The following NELL2 variants were observed in gnomAD, a reference collection of about 807,000 sequenced individuals.
NELL2 encodes the protein neural EGFL like 2.
In NELL2, 41 loss-of-function variants were observed where a neutral mutation model predicts 109.6. That is an observed-to-expected ratio of 0.37 (90% CI 0.29 to 0.49). The LOEUF (loss-of-function observed/expected upper bound fraction) is 0.49, where lower values mean the gene tolerates loss of function less well. NELL2 is among the 20% of genes least tolerant of loss of function. The pLI is 0.98. For missense variants in NELL2, 900 were observed against 1,008.3 expected (o/e 0.89, Z 1.45); for synonymous variants, 355 against 344.7 (o/e 1.03, Z -0.33).
chr12:44,917,905 T>G (rs1366672581), upstream of NELL2, among the ~76,000 whole-genome samples: 1 of 152,194 alleles, frequency 6.6e-6, no homozygotes, highest in Non-Finnish European at 1.5e-5. Flanking sequence ...AAGTCAGGGC[T>G]CTCCGCCATA....
chr12:44,886,196 C>T (rs1945472209), intron 1 of NELL2, among the ~76,000 whole-genome samples: 1 of 151,262 alleles, frequency 6.6e-6, no homozygotes, highest in South Asian at 2.1e-4. Context: ...AATAATTAAC[C>T]TAAAGTGGAT....
chr12:44,802,020 G>A (rs1942848364), intron 3 of NELL2, among the ~76,000 whole-genome samples: 1 of 152,020 alleles, frequency 6.6e-6, no homozygotes, highest in African/African-American at 2.4e-5. Context: ...TAGAACTCCT[G>A]TACTTCTGCC....
At chr12:44,914,772 G>A (rs1237521333), upstream of NELL2, among the ~76,000 whole-genome samples, 1 of 152,128 alleles carries the variant, frequency 6.6e-6, no homozygotes, top group Non-Finnish European at 1.5e-5. Context: ...GTAGAGAAAG[G>A]TCTCGGCTAG....
At chr12:44,747,626 C>T (rs1940446466) in intron 9 of NELL2, among the ~76,000 whole-genome samples, 2 of 152,104 alleles carry the variant, frequency 1.3e-5, no homozygotes, top group East Asian at 3.9e-4. Context: ...GTTCAGCATC[C>T]CTGACCTCCA....
At chr12:44,700,529 C>T (rs148147883) in intron 12 of NELL2, among the ~76,000 whole-genome samples, 55 of 152,200 alleles carry the variant, frequency 3.6e-4, no homozygotes, top group Admixed American at 3.3e-3. Context: ...TTCTTTCTAC[C>T]TGAAGGCCCT....
intron 15 of NELL2, among the ~76,000 whole-genome samples, chr12:44,550,492 T>C (rs1487075499): frequency 6.7e-6 from 1 of 150,076 alleles, no homozygotes; most frequent in Non-Finnish European, 1.5e-5. Flanking sequence ...TGCAGAGAGC[T>C]GAGACTATGC....
intron 2 of NELL2, among the ~76,000 whole-genome samples, chr12:44,872,046 T>C (rs1945177772): frequency 6.6e-6 from 1 of 152,186 alleles, no homozygotes; most frequent in Non-Finnish European, 1.5e-5. Context: ...ATGGTGCTTC[T>C]GTATACTCTC....
intron 9 of NELL2, among the ~76,000 whole-genome samples, chr12:44,762,307 G>A (rs1250840335): frequency 3.9e-5 from 6 of 152,090 alleles, no homozygotes; most frequent in South Asian, 4.2e-4. Context: ...TAGCAACTCT[G>A]TCCTCTTACT....
intron 15 of NELL2, among the ~76,000 whole-genome samples, chr12:44,600,305 G>C (rs1390712541): frequency 6.6e-6 from 1 of 151,470 alleles, no homozygotes; most frequent in Non-Finnish European, 1.5e-5. Flanking sequence ...CACCGCGCCC[G>C]GCCGGAAAAC....
chr12:44,643,961 AC>A (rs1946955688), intron 13 of NELL2, among the ~76,000 whole-genome samples: 1 of 152,208 alleles, frequency 6.6e-6, no homozygotes, highest in Admixed American at 6.5e-5. Context: ...CAATGATTTC[AC>A]CAGGAAAACC....
At chr12:44,626,679 C>A (rs749217603) in intron 13 of NELL2, among the ~76,000 whole-genome samples, 1 of 152,174 alleles carries the variant, frequency 6.6e-6, no homozygotes, top group Non-Finnish European at 1.5e-5. Context: ...TGGACCCTGT[C>A]GGCTGCATCT....
intron 13 of NELL2, among the ~76,000 whole-genome samples, chr12:44,661,146 T>G (rs1216529776): frequency 6.6e-6 from 1 of 152,134 alleles, no homozygotes; most frequent in Non-Finnish European, 1.5e-5. Context: ...TGCATACAAC[T>G]TCCTAAATAC....
intron 12 of NELL2, among the ~76,000 whole-genome samples, chr12:44,677,714 T>G (rs1948363998): frequency 6.6e-6 from 1 of 152,034 alleles, no homozygotes; most frequent in South Asian, 2.1e-4. Context: ...TTAAAAAAAA[T>G]ACATGGGATC....
chr12:44,839,870 G>T (rs376164968), intron 2 of NELL2, among the ~76,000 whole-genome samples: 1 of 152,108 alleles, frequency 6.6e-6, no homozygotes, highest in African/African-American at 2.4e-5. Context: ...CTTTGCCCAG[G>T]CTTTCTCAGT....
At chr12:44,833,168 A>G (rs779455779) in intron 2 of NELL2, among the ~76,000 whole-genome samples, 1 of 152,180 alleles carries the variant, frequency 6.6e-6, no homozygotes, top group Non-Finnish European at 1.5e-5. Context: ...TTTGTTGTAT[A>G]ACATTCCTTT....
At chr12:44,769,849 G>T (rs994345910) in intron 9 of NELL2, among the ~76,000 whole-genome samples, 3 of 152,096 alleles carry the variant, frequency 2.0e-5, no homozygotes. Context: ...TTTTTGACCC[G>T]CATCAGAAAT....
At chr12:44,728,664 G>C (rs1044177199) in intron 9 of NELL2, among the ~76,000 whole-genome samples, 1 of 152,104 alleles carries the variant, frequency 6.6e-6, no homozygotes, top group Admixed American at 6.5e-5. Flanking sequence ...TGCAAACAAA[G>C]CTACACAAAG....
chr12:44,874,507 T>C (rs1945257946), intron 2 of NELL2, among the ~76,000 whole-genome samples: 1 of 152,194 alleles, frequency 6.6e-6, no homozygotes, highest in South Asian at 2.1e-4. Flanking sequence ...CACATTTAAA[T>C]ATAATTTGAG....
rs549519967 is a variant in NELL2 at position 44,797,652 on chromosome 12, G to A, written c.336-17630C>T. 2.0e-5 allele frequency among the ~76,000 whole-genome samples: 3 copies of A among 151,490 alleles called. No individual in the cohort carries two copies. In the East Asian group the frequency reaches 5.9e-4, roughly 30 times the overall value. On this transcript the variant is annotated intron_variant, in intron 3 of 19. Transcript: ENST00000429094. ...TACAGAAAATACATAAAAGGATGAG[G>A]AAGAAAATTAAAATCATTAATGGTA...
Sources: allele counts gnomAD v4.1 joint callset (sites outside exome capture counted in the v4.1 genomes callset), GRCh38; gene constraint gnomAD v4.1.1; transcripts MANE v1.5; gene names NCBI Gene and HGNC (gene_info 2026-07-23, HGNC 2026-07-21).